The following SPG11 variants were observed in gnomAD, a reference collection of about 807,000 sequenced individuals.
SPG11 encodes the protein spatacsin.
Under a neutral mutation model 274.0 loss-of-function variants are expected in SPG11, and 222 were observed. The observed-to-expected ratio is 0.81, with a 90% CI of 0.73 to 0.91. The LOEUF (loss-of-function observed/expected upper bound fraction) is 0.91. Ranked by LOEUF, SPG11 falls within the 40% of genes least tolerant of loss-of-function variation. The probability of loss-of-function intolerance (pLI) is 0.00; values close to 1 mark genes in which losing one functional copy is unlikely to be tolerated. For synonymous variants in SPG11, 1,144 were observed against 1,039.7 expected (o/e 1.10, Z -1.93); for missense variants, 3,114 against 2,872.7 (o/e 1.08, Z -1.92).
chr15:44,562,882 T>A lies in SPG11; in HGVS notation c.*239A>T. On this transcript the variant is annotated 3_prime_UTR_variant, in exon 40 of 40. Transcript: ENST00000261866. ...GTCCTGAGGAAGAGGAAGCTTTTGA[T>A]CTTAATACTAGTATCTATATAAAAT... The A allele has an allele frequency of 2.0e-6, 1 of 491,238 alleles. No individual in the cohort carries two copies. The highest frequency in any genetic ancestry group is 3.7e-6 in the Non-Finnish European group (1 of 273,198). 30.4% of individuals were successfully genotyped at this position (491,238 alleles called of 1,614,324 possible).
rs2084957736 is a variant in SPG11 at position 44,656,967 on chromosome 15, G to C, written c.869+128C>G. ...TCAGTAACTACTTTACAATGTATTA[G>C]CTAGAACATGATCTAACTGAATAGA... is the stretch of plus-strand genomic sequence containing the variant. On this transcript the variant is annotated intron_variant, in intron 4 of 39. Transcript: ENST00000261866. 11 of 771,458 alleles carry C rather than the reference G, an allele frequency of 1.4e-5. No individual in the cohort carries two copies. The South Asian group carries it at 1.9e-4, about 13-fold the overall frequency. The allele number at this position is 771,458 out of a possible 1,614,324, so 47.8% of individuals were successfully genotyped here. A position where few individuals can be genotyped will look rare whatever the true frequency, so the allele number is the denominator to read the frequency against.
At chr15:44,585,553 G>C (rs2082741201) in intron 29 of SPG11, 83 bp downstream of exon 29, 1 of 1,148,930 alleles carries the variant, frequency 8.7e-7, no homozygotes, top group African/African-American at 1.6e-5. Flanking sequence ...AGCGAGCGGA[G>C]ATCGCGCCAC....
chr15:44,644,084 G>A (rs1169962179), intron 7 of SPG11, among the ~76,000 whole-genome samples: 1 of 151,258 alleles, frequency 6.6e-6, no homozygotes, highest in Non-Finnish European at 1.5e-5. Context: ...GGAGAATGGC[G>A]TGAACCCAGG....
At chr15:44,582,804 C>A (rs1227003352) in intron 30 of SPG11, among the ~76,000 whole-genome samples, 2 of 151,528 alleles carry the variant, frequency 1.3e-5, no homozygotes, top group African/African-American at 2.4e-5. Flanking sequence ...ACAGCAATAA[C>A]ATGACAAAAT....
intron 31 of SPG11, among the ~76,000 whole-genome samples, chr15:44,573,996 T>A (rs2082482099): frequency 6.6e-6 from 1 of 152,116 alleles, no homozygotes; most frequent in African/African-American, 2.4e-5. Flanking sequence ...GGACACTTAT[T>A]TTTTTGGCGG....
Position 44,574,961 on chromosome 15 carries a change from T to G in SPG11, c.5947A>C (p.Lys1983Gln), listed in dbSNP as rs1198502086. ...CAGTAGTTCTTCCCATGGAGGCATTTGCTTGTCAGCACTTCCAGGTTAGTT... is the reference window on the plus strand; with the variant it reads ...CAGTAGTTCTTCCCATGGAGGCATTGGCTTGTCAGCACTTCCAGGTTAGTT... ...VVTNLEVLTS[K>Q]CLHGKNYCRQ... Residue 1983 changes from lysine to glutamine, a missense_variant, in exon 31 of 40, where the codon AAA (lysine) becomes CAA (glutamine). Lys to Gln is a moderately conservative substitution (Grantham distance 53, BLOSUM62 1). Coordinates refer to ENST00000261866, the MANE Select transcript of SPG11 (RefSeq NM_025137.4). 17 of 1,614,014 alleles carry G rather than the reference T, an allele frequency of 1.1e-5. No individual in the cohort carries two copies. The highest frequency in any genetic ancestry group is 1.3e-5 in the African/African-American group (1 of 74,918).
intron 27 of SPG11, among the ~76,000 whole-genome samples, chr15:44,589,651 A>G (rs376934916): frequency 1.6e-4 from 24 of 152,350 alleles, no homozygotes; most frequent in African/African-American, 5.5e-4. Context: ...AAGTTCTGGT[A>G]TAGAGCTGCA....
intron 16 of SPG11, among the ~76,000 whole-genome samples, chr15:44,614,881 T>C (rs921015894): frequency 3.3e-5 from 5 of 152,236 alleles, no homozygotes; most frequent in African/African-American, 1.2e-4. Flanking sequence ...TGCGGGTTAA[T>C]CTTAGGCAGA....
intron 29 of SPG11, among the ~76,000 whole-genome samples, chr15:44,585,244 T>C (rs1309876553): frequency 2.0e-5 from 3 of 151,942 alleles, no homozygotes; most frequent in African/African-American, 7.3e-5. Flanking sequence ...TACATCTCAT[T>C]TGATTTACTG....
chr15:44,598,331 G>A lies in SPG11; in HGVS notation c.3935C>T (p.Thr1312Ile). The A allele has an allele frequency of 6.2e-7, 1 of 1,614,078 alleles. No homozygotes were observed. The highest frequency in any genetic ancestry group is 1.1e-5 in the South Asian group (1 of 91,082). ...TTCTAAGAGAACAAGCAATTCTTCTGTGGTTGTCTTTTCACCATCAGCTAG... is the reference window on the plus strand; with the variant it reads ...TTCTAAGAGAACAAGCAATTCTTCTATGGTTGTCTTTTCACCATCAGCTAG... The part of the protein sequence containing the change: ...SKLADGEKTT[T>I]EELLVLLEEG... Residue 1312 changes from threonine to isoleucine, a missense_variant, in exon 23 of 40, where the codon ACA becomes ATA. Physicochemically the swap from Thr to Ile is moderately conservative, Grantham distance 89. Transcript: ENST00000261866.
intron 8 of SPG11, among the ~76,000 whole-genome samples, chr15:44,631,066 G>C (rs1018361612): frequency 1.3e-5 from 2 of 152,088 alleles, no homozygotes; most frequent in Non-Finnish European, 2.9e-5. Flanking sequence ...ATTTATCAAG[G>C]TGTTTAAAAA....
chr15:44,563,745 G>GC (rs2082247587), intron 39 of SPG11, among the ~76,000 whole-genome samples: 1 of 152,084 alleles, frequency 6.6e-6, no homozygotes, highest in Non-Finnish European at 1.5e-5. Context: ...TTCTCTTGCA[G>GC]CCTCCCGAGT....
intron 4 of SPG11, 25 bp from the exon 5 acceptor site, chr15:44,652,291 A>C (rs749571844): frequency 1.2e-6 from 2 of 1,613,362 alleles, no homozygotes; most frequent in Non-Finnish European, 1.7e-6. Context: ...AATGATAGAC[A>C]TATGAAAAAA....
intron 4 of SPG11, among the ~76,000 whole-genome samples, chr15:44,655,656 C>A (rs1162619858): frequency 6.6e-6 from 1 of 151,924 alleles, no homozygotes; most frequent in Non-Finnish European, 1.5e-5. Flanking sequence ...ATGTGTTAAC[C>A]AACTGTTTAT....
At chr15:44,591,224 T>C (rs138910575) in intron 27 of SPG11, among the ~76,000 whole-genome samples, 27 of 152,362 alleles carry the variant, frequency 1.8e-4, no homozygotes, top group African/African-American at 6.3e-4. Context: ...AGAACACTGG[T>C]AGTCAGCTCA....
intron 10 of SPG11, 86 bp downstream of exon 10, chr15:44,628,583 T>C (rs2083967562): frequency 1.9e-5 from 23 of 1,238,484 alleles, no homozygotes; most frequent in Non-Finnish European, 2.4e-5. Context: ...CACAAGTATA[T>C]AGAGTCTGAA....
intron 17 of SPG11, among the ~76,000 whole-genome samples, 200 bp downstream of exon 17, chr15:44,613,230 T>G (rs143446967): frequency 1.3e-5 from 2 of 152,328 alleles, no homozygotes; most frequent in African/African-American, 4.8e-5. Context: ...TTGCTCCAGG[T>G]CTAGCTTTTC....
chr15:44,570,588 G>T lies in SPG11; in HGVS notation c.6414C>A (p.Val2138=). 6.2e-7 allele frequency: 1 copy of T among 1,614,178 alleles called. No individual in the cohort carries two copies. Among genetic ancestry groups the T allele is most frequent in the Non-Finnish European group, 8.5e-7 (1 of 1,180,026 alleles). ...CTGTGAGCATGTGGGCGGCCTGTAG[G>T]ACTCGGATGATGCCCTCCATGTGGC... ...LTCHMEGIIR[V]LQAAHMLTDN... Residue 2138 remains valine (V), a synonymous_variant, in exon 34 of 40, where the codon GTC becomes GTA. Transcript: ENST00000261866.
chr15:44,629,423 A>G, intron 8 of SPG11, 35 bp from the exon 9 acceptor site: 1 of 1,595,744 alleles, frequency 6.3e-7, no homozygotes, highest in East Asian at 2.2e-5. Flanking sequence ...CATAAAGAAC[A>G]CCAGGATACT....
Sources: allele counts gnomAD v4.1 joint callset (sites outside exome capture counted in the v4.1 genomes callset), GRCh38; gene constraint gnomAD v4.1.1; transcripts MANE v1.5; gene names NCBI Gene and HGNC (gene_info 2026-07-23, HGNC 2026-07-21).